Variants in F13A1 observed in about 807,000 individuals in gnomAD.
F13A1 encodes coagulation factor XIII A chain.
In F13A1, 47 loss-of-function variants were observed where a neutral mutation model predicts 80.1. That is an observed-to-expected ratio of 0.59 (90% CI 0.46 to 0.75). The LOEUF (loss-of-function observed/expected upper bound fraction) is 0.75, where lower values mean the gene tolerates loss of function less well. Among genes scored for constraint, F13A1 ranks in the 30% least tolerant of loss-of-function variants. The pLI is 0.00. For synonymous variants in F13A1, 349 were observed against 344.9 expected (o/e 1.01, Z -0.13); for missense variants, 817 against 930.4 (o/e 0.88, Z 1.59).
intron 3 of F13A1, among the ~76,000 whole-genome samples, chr6:6,273,918 T>C (rs1176396238): frequency 6.6e-6 from 1 of 151,782 alleles, no homozygotes; most frequent in Non-Finnish European, 1.5e-5. Flanking sequence ...AAAGAAACAA[T>C]CAAAAAGGCA....
At chr6:6,271,358 C>T (rs74525095) in intron 3 of F13A1, among the ~76,000 whole-genome samples, 1,784 of 152,224 alleles carry the variant, frequency 0.012, 13 homozygotes, top group Non-Finnish European at 0.017. Context: ...GGCATGGTTA[C>T]GAGACCACAA....
At chr6:6,258,024 T>C (rs1757725615) in intron 4 of F13A1, among the ~76,000 whole-genome samples, 1 of 152,174 alleles carries the variant, frequency 6.6e-6, no homozygotes, top group African/African-American at 2.4e-5. Context: ...TATTTATTTA[T>C]GTATTTATTT....
chr6:6,308,207 A>G (rs984840609), intron 2 of F13A1, among the ~76,000 whole-genome samples: 2 of 152,116 alleles, frequency 1.3e-5, no homozygotes, highest in African/African-American at 4.8e-5. Flanking sequence ...AAAATTTAAT[A>G]GAGACGGGGT....
chr6:6,208,227 AACTGAAAAGT>A (rs1761528385), intron 8 of F13A1, among the ~76,000 whole-genome samples: 1 of 152,194 alleles, frequency 6.6e-6, no homozygotes, highest in South Asian at 2.1e-4. Flanking sequence ...GAAATTCTGG[AACTGAAAAGT>A]ACAATAACCA....
At chr6:6,317,818 G>A (rs1242277872) in intron 2 of F13A1, among the ~76,000 whole-genome samples, 1 of 152,140 alleles carries the variant, frequency 6.6e-6, no homozygotes, top group Non-Finnish European at 1.5e-5. Flanking sequence ...TGCCACTCGG[G>A]GACATGAGTC....
At chr6:6,197,695 C>T (rs1484376833) in intron 8 of F13A1, among the ~76,000 whole-genome samples, 3 of 151,562 alleles carry the variant, frequency 2.0e-5, no homozygotes, top group African/African-American at 7.3e-5. Context: ...AAAAAAGTGA[C>T]CCCAAATCCT....
chr6:6,263,594 T>C (rs1757806608), intron 4 of F13A1, among the ~76,000 whole-genome samples: 1 of 152,246 alleles, frequency 6.6e-6, no homozygotes, highest in Admixed American at 6.5e-5. Context: ...GCCATCTCCT[T>C]TGAGTTCTAG....
chr6:6,175,951 G>T (rs1462665526), intron 11 of F13A1, among the ~76,000 whole-genome samples: 1 of 152,262 alleles, frequency 6.6e-6, no homozygotes, highest in Admixed American at 6.5e-5. Flanking sequence ...TTATGCCTCA[G>T]ACACTGGGAA....
At chr6:6,273,635 C>G (rs1310132251) in intron 3 of F13A1, among the ~76,000 whole-genome samples, 1 of 152,144 alleles carries the variant, frequency 6.6e-6, no homozygotes, top group Non-Finnish European at 1.5e-5. Flanking sequence ...ATTCATTTTT[C>G]CATTTGATTC....
At chr6:6,293,494 C>T (rs1583114643) in intron 3 of F13A1, among the ~76,000 whole-genome samples, 1 of 151,828 alleles carries the variant, frequency 6.6e-6, no homozygotes, top group South Asian at 2.1e-4. Context: ...TTCAGCCACA[C>T]CCACCTCCTC....
At chr6:6,192,337 G>A (rs1460065204) in intron 10 of F13A1, among the ~76,000 whole-genome samples, 1 of 152,174 alleles carries the variant, frequency 6.6e-6, no homozygotes, top group Non-Finnish European at 1.5e-5. Flanking sequence ...GGAGCAAGAG[G>A]GGGATCAGGG....
At chr6:6,208,989 G>A (rs2113028210) in intron 8 of F13A1, among the ~76,000 whole-genome samples, 1 of 152,072 alleles carries the variant, frequency 6.6e-6, no homozygotes, top group African/African-American at 2.4e-5. Context: ...TTAAAAAGTT[G>A]GATTTTATAA....
chr6:6,186,296 C>G (rs1393196904), intron 10 of F13A1, among the ~76,000 whole-genome samples: 1 of 151,872 alleles, frequency 6.6e-6, no homozygotes, highest in African/African-American at 2.4e-5. Flanking sequence ...AAGTCCTTGC[C>G]CATGCCTATG....
At chr6:6,175,535 G>C (rs1007176107) in intron 11 of F13A1, among the ~76,000 whole-genome samples, 1 of 152,176 alleles carries the variant, frequency 6.6e-6, no homozygotes, top group Non-Finnish European at 1.5e-5. Context: ...TTAAAAAGGC[G>C]ACCCTGCCCA....
chr6:6,242,409 C>T (rs969740337), intron 6 of F13A1, among the ~76,000 whole-genome samples: 1 of 151,996 alleles, frequency 6.6e-6, no homozygotes, highest in Admixed American at 6.6e-5. Flanking sequence ...CATTGTGGTT[C>T]GATATTAGCA....
rs1314106432 is a variant in F13A1, at chr6:6,144,455, A to T, written c.*1164T>A. The stretch of plus-strand genomic sequence containing the variant: ...GACATATCAGAGGGAAATTCTGACC[A>T]TAAATCAGCCTTGCAAATACATAGC... On this transcript the variant is annotated 3_prime_UTR_variant, in exon 15 of 15. Transcript: ENST00000264870. The T allele has an allele frequency of 1.3e-5, 2 of 152,258 alleles. No homozygotes were observed. The highest frequency in any genetic ancestry group is 2.9e-5 in the Non-Finnish European group (2 of 68,050). The allele number at this position is 152,258 out of a possible 1,614,324, so 9.4% of individuals were successfully genotyped here. A position where few individuals can be genotyped will look rare whatever the true frequency, so the allele number is the denominator to read the frequency against.
chr6:6,313,280 C>CTTTTTT (rs5874027), intron 2 of F13A1, among the ~76,000 whole-genome samples: 73 of 126,740 alleles, frequency 5.8e-4, no homozygotes, highest in African/African-American at 2.1e-3. Flanking sequence ...GCTAAGCCGC[C>CTTTTTT]TTTTTTTTTT....
chr6:6,145,492 G>T lies in F13A1; in HGVS notation c.*127C>A. The T allele has an allele frequency of 3.4e-6, 4 of 1,177,338 alleles. No individual in the cohort carries two copies. In the South Asian group the frequency reaches 5.0e-5, roughly 15 times the overall value. The allele number at this position is 1,177,338 out of a possible 1,614,324, so 72.9% of individuals were successfully genotyped here. A position where few individuals can be genotyped will look rare whatever the true frequency, so the allele number is the denominator to read the frequency against. On this transcript the variant is annotated 3_prime_UTR_variant, in exon 15 of 15. Coordinates refer to ENST00000264870, the MANE Select transcript of F13A1 (RefSeq NM_000129.4). Reference sequence around the variant, plus strand: ...TGAAATATGTGGGATCTCCACTCTGGAGCCCTCTGCAGTCCTGTCTGGGTC... The same window carrying T: ...TGAAATATGTGGGATCTCCACTCTGTAGCCCTCTGCAGTCCTGTCTGGGTC...
At chr6:6,313,395 C>T (rs1346881261) in intron 2 of F13A1, among the ~76,000 whole-genome samples, 2 of 112,240 alleles carry the variant, frequency 1.8e-5, no homozygotes, top group Non-Finnish European at 3.7e-5. Context: ...CCAAACATAT[C>T]GGAAAATGGA....
Sources: allele counts gnomAD v4.1 joint callset (sites outside exome capture counted in the v4.1 genomes callset), GRCh38; gene constraint gnomAD v4.1.1; transcripts MANE v1.5; gene names NCBI Gene and HGNC (gene_info 2026-07-23, HGNC 2026-07-21).